Variants in NXPE2 observed in about 807,000 individuals in gnomAD.
NXPE2 encodes NXPE family member 2.
Under a neutral mutation model 34.4 loss-of-function variants are expected in NXPE2, and 34 were observed. The ratio of observed to expected loss-of-function variants is 0.99; its 90% CI spans 0.75 to 1.31. The LOEUF (loss-of-function observed/expected upper bound fraction) is 1.31. NXPE2 is among the 40% of genes most tolerant of loss of function. The pLI is 0.00. For missense variants in NXPE2, 649 were observed against 672.5 expected, an observed-to-expected ratio of 0.97 and a Z score of 0.39; for synonymous variants, 235 against 231.3, an observed-to-expected ratio of 1.02 and a Z score of -0.15.
chr11:114,672,120 G>C, the NXPE2 span, among the ~76,000 whole-genome samples: 1 of 151,912 alleles, frequency 6.6e-6, no homozygotes, highest in East Asian at 1.9e-4. Flanking sequence ...TCTAGTACAA[G>C]AACAGCAAGG....
chr11:114,742,620 A>ATT, the NXPE2 span, among the ~76,000 whole-genome samples: 24,313 of 133,576 alleles, frequency 0.18, 3,558 homozygotes, highest in African/African-American at 0.38. Flanking sequence ...TTATTCTTGG[A>ATT]TTTTTTTTTT....
At chr11:114,560,637 G>T in the NXPE2 span, among the ~76,000 whole-genome samples, 1 of 152,078 alleles carries the variant, frequency 6.6e-6, no homozygotes, top group Non-Finnish European at 1.5e-5. Flanking sequence ...TTAGGGAAAG[G>T]GGATATGGTT....
chr11:114,795,898 A>G, the NXPE2 span, among the ~76,000 whole-genome samples: 1 of 152,222 alleles, frequency 6.6e-6, no homozygotes, highest in African/African-American at 2.4e-5. Flanking sequence ...CACCGTGGGT[A>G]GAGGAGGAAG....
At chr11:114,787,123 C>T in the NXPE2 span, among the ~76,000 whole-genome samples, 2 of 152,132 alleles carry the variant, frequency 1.3e-5, no homozygotes, top group East Asian at 3.9e-4. Flanking sequence ...TTTCCCGGAG[C>T]TCCCTCTGAC....
the NXPE2 span, among the ~76,000 whole-genome samples, chr11:114,734,250 C>T: frequency 0.094 from 14,278 of 152,020 alleles, 727 homozygotes; most frequent in Middle Eastern, 0.13. Flanking sequence ...TAAAAAAAAT[C>T]CATTCCTTTT....
At chr11:114,676,986 T>C (rs1011714818), upstream of NXPE2, among the ~76,000 whole-genome samples, 2 of 152,014 alleles carry the variant, frequency 1.3e-5, no homozygotes, top group Admixed American at 1.3e-4. Flanking sequence ...CTGGAGGACA[T>C]TATGCTGGGT....
the NXPE2 span, among the ~76,000 whole-genome samples, chr11:114,746,531 C>G: frequency 2.6e-5 from 4 of 152,044 alleles, no homozygotes; most frequent in African/African-American, 9.7e-5. Context: ...GCTAAGAATT[C>G]AAGCATTTAA....
At chr11:114,739,363 C>T in the NXPE2 span, among the ~76,000 whole-genome samples, 2 of 80,558 alleles carry the variant, frequency 2.5e-5, no homozygotes, top group African/African-American at 9.4e-5. Flanking sequence ...TCCCTCCCTC[C>T]CTCCCTCCCT....
At chr11:114,474,421 C>A in the NXPE2 span, among the ~76,000 whole-genome samples, 6 of 152,108 alleles carry the variant, frequency 3.9e-5, no homozygotes, top group Non-Finnish European at 8.8e-5. Flanking sequence ...GAAACCTGAT[C>A]CTGTAGGATT....
the NXPE2 span, among the ~76,000 whole-genome samples, chr11:114,788,637 C>G: frequency 1.3e-5 from 2 of 152,212 alleles, no homozygotes; most frequent in African/African-American, 2.4e-5. Context: ...TGCTGCCTCT[C>G]GTGTCCCTCT....
At chr11:114,512,484 G>A in the NXPE2 span, among the ~76,000 whole-genome samples, 1 of 152,102 alleles carries the variant, frequency 6.6e-6, no homozygotes, top group Non-Finnish European at 1.5e-5. Context: ...GGAGTTGAAG[G>A]ACACCAACAA....
At chr11:114,751,430 A>T in the NXPE2 span, among the ~76,000 whole-genome samples, 1 of 152,180 alleles carries the variant, frequency 6.6e-6, no homozygotes, top group South Asian at 2.1e-4. Flanking sequence ...TCCTTTAGAC[A>T]CTGAATATAT....
chr11:114,682,954 G>A (rs758177596), intron 2 of NXPE2, among the ~76,000 whole-genome samples: 4 of 151,700 alleles, frequency 2.6e-5, no homozygotes, highest in Non-Finnish European at 4.4e-5. Context: ...TGCAATAAAA[G>A]TTGAACTTTG....
At chr11:114,812,169 C>G in the NXPE2 span, among the ~76,000 whole-genome samples, 1 of 152,166 alleles carries the variant, frequency 6.6e-6, no homozygotes, top group Non-Finnish European at 1.5e-5. Context: ...TTAGTCCTAG[C>G]GCCTGGGAGC....
the NXPE2 span, among the ~76,000 whole-genome samples, chr11:114,534,375 C>T: frequency 1.2e-4 from 19 of 152,160 alleles, 1 homozygote; most frequent in Admixed American, 2.6e-4. Flanking sequence ...AAAATCAGAG[C>T]GCCTCTTCTC....
chr11:114,638,381 A>T, the NXPE2 span, among the ~76,000 whole-genome samples: 6 of 151,698 alleles, frequency 4.0e-5, no homozygotes, highest in African/African-American at 1.5e-4. Flanking sequence ...TTTTTTTCAA[A>T]GTTTTTAACT....
the NXPE2 span, among the ~76,000 whole-genome samples, chr11:114,775,684 T>C: frequency 2.0e-5 from 3 of 152,120 alleles, no homozygotes; most frequent in African/African-American, 7.2e-5. Context: ...GGTTTTCCCC[T>C]CTTTAATTTA....
the NXPE2 span, among the ~76,000 whole-genome samples, chr11:114,552,328 C>T: frequency 6.6e-6 from 1 of 152,188 alleles, no homozygotes; most frequent in Admixed American, 6.5e-5. Context: ...AGGGGCAGCT[C>T]TAATTTGTGT....
At chr11:114,618,173 G>T in the NXPE2 span, among the ~76,000 whole-genome samples, 2 of 151,862 alleles carry the variant, frequency 1.3e-5, no homozygotes, top group African/African-American at 2.4e-5. Context: ...GGTAACCATT[G>T]GTACCCGGTG....
Sources: allele counts gnomAD v4.1 joint callset (sites outside exome capture counted in the v4.1 genomes callset), GRCh38; gene constraint gnomAD v4.1.1; transcripts MANE v1.5; gene names NCBI Gene and HGNC (gene_info 2026-07-23, HGNC 2026-07-21).